Variants in CRTAP observed in about 807,000 individuals in gnomAD.
CRTAP encodes the protein cartilage associated protein, also known as cartilage-associated protein.
A neutral mutation model predicts 42.7 loss-of-function variants in CRTAP; 33 were observed. That is an observed-to-expected ratio of 0.77 (90% confidence interval 0.59 to 1.03). CRTAP has a LOEUF of 1.03. CRTAP is among the 50% of genes least tolerant of loss of function. The pLI, the probability that CRTAP is intolerant of heterozygous loss-of-function variation, is 0.00. For missense variants in CRTAP, 613 were observed against 533.9 expected (o/e 1.15, Z -1.46); for synonymous variants, 243 against 217.7 (o/e 1.12, Z -1.02).
At chr3:33,125,493 T>TTG (rs1427430143) in intron 3 of CRTAP, among the ~76,000 whole-genome samples, 1 of 138,304 alleles carries the variant, frequency 7.2e-6, no homozygotes, top group East Asian at 2.0e-4. Context: ...CAAAGTAGGT[T>TTG]TTTTTTTTTT....
At position 33,132,504 on chromosome 3, in the gene CRTAP, A is replaced by G. The variant is rs2030294826; in HGVS notation, c.923-51A>G. ...CTTTTTGTTTAGAAGCAGAGAAATT[A>G]TAGGGTGTGGTTTGCTGATTTCTTC... On this transcript the variant is annotated intron_variant, in intron 4 of 6. Transcript: ENST00000320954. The G allele has an allele frequency of 1.9e-6, 3 of 1,611,230 alleles. No individual in the cohort carries two copies. In the East Asian group the frequency reaches 6.7e-5, roughly 36 times the overall value.
chr3:33,139,695 C>T (rs2030520972), intron 6 of CRTAP, among the ~76,000 whole-genome samples: 1 of 152,130 alleles, frequency 6.6e-6, no homozygotes, highest in African/African-American at 2.4e-5. Flanking sequence ...CCAGTCTGGT[C>T]TCGAACTCCT....
chr3:33,124,458 A>T lies in CRTAP; in HGVS notation c.672A>T (p.Thr224=). 1 of 1,614,196 alleles carries T rather than the reference A, an allele frequency of 6.2e-7. No homozygotes were observed. The highest frequency in any genetic ancestry group is 8.5e-7 in the Non-Finnish European group (1 of 1,180,036). Reference sequence around the variant, plus strand: ...CATACAACGGTGAGAACTGGAGAACATCCATCACAGACATGGAGCTGGCCC... The same window carrying T: ...CATACAACGGTGAGAACTGGAGAACTTCCATCACAGACATGGAGCTGGCCC... The part of the protein sequence containing the change: ...VRAYNGENWR[T]SITDMELALP... The change falls in exon 3 of 7, where the codon ACA becomes ACT. Residue 224 remains threonine (T), a synonymous_variant. Coordinates refer to ENST00000320954, the MANE Select transcript of CRTAP (RefSeq NM_006371.5).
intron 4 of CRTAP, 102 bp downstream of exon 4, chr3:33,130,169 G>T: frequency 8.7e-7 from 1 of 1,151,930 alleles, no homozygotes; most frequent in Non-Finnish European, 1.3e-6. Flanking sequence ...AGTTCATCAA[G>T]GTCCACTGAC....
At chr3:33,118,556 G>T (rs1188334458) in intron 1 of CRTAP, among the ~76,000 whole-genome samples, 2 of 152,204 alleles carry the variant, frequency 1.3e-5, no homozygotes, top group African/African-American at 4.8e-5. Context: ...TCCAATTCTG[G>T]GGCAATTCGG....
Position 33,132,428 on chromosome 3 carries a change from G to T in CRTAP, c.923-127G>T, listed in dbSNP as rs999889043. The T allele has an allele frequency of 5.1e-6, 7 of 1,366,004 alleles. No homozygotes were observed. The African/African-American group carries it at 1.0e-4, about 19-fold the overall frequency. 84.6% of individuals were successfully genotyped at this position (1,366,004 alleles called of 1,614,324 possible). On this transcript the variant is annotated intron_variant, in intron 4 of 6. Transcript: ENST00000320954. Reference sequence around the variant, plus strand: ...CCTGCCCACCCAGGGCTGCCAGTCGGCCCCAGGCTCTCTGAAGAAGGACTG... The same window carrying T: ...CCTGCCCACCCAGGGCTGCCAGTCGTCCCCAGGCTCTCTGAAGAAGGACTG...
chr3:33,127,075 G>T (rs1377313604), intron 3 of CRTAP, among the ~76,000 whole-genome samples: 2 of 149,930 alleles, frequency 1.3e-5, no homozygotes, highest in Non-Finnish European at 3.0e-5. Flanking sequence ...TTCCTTGTGG[G>T]CAAATTATGA....
rs996158808 is a variant in CRTAP, at chr3:33,146,931, G to A, written c.*4483G>A. 1.3e-5 allele frequency: 2 copies of A among 152,564 alleles called. No homozygotes were observed. Among genetic ancestry groups the A allele is most frequent in the Non-Finnish European group, 2.9e-5 (2 of 68,032 alleles). 9.5% of individuals were successfully genotyped at this position (152,564 alleles called of 1,614,324 possible). On this transcript the variant is annotated 3_prime_UTR_variant, in exon 7 of 7. Coordinates refer to ENST00000320954, the MANE Select transcript of CRTAP (RefSeq NM_006371.5). ...TCAATACTTAAACTGTAGGGAAAAG[G>A]TGGATTGGTGCCAGAGAAAACATTA...
Position 33,132,521 on chromosome 3 carries a change from GATTTCTTCATTTGTC to G in CRTAP, c.923-33_923-19del, listed in dbSNP as rs2030295615. 6.2e-7 allele frequency: 1 copy of G among 1,613,178 alleles called. No individual in the cohort carries two copies. The highest frequency in any genetic ancestry group is 2.2e-5 in the East Asian group (1 of 44,840). On this transcript the variant is annotated intron_variant, in intron 4 of 6. Transcript: ENST00000320954. ...GAGAAATTATAGGGTGTGGTTTGCT[GATTTCTTCATTTGTC>G]TTTTCTTCCCAACCCTAGTGAACGA...
At chr3:33,123,371 G>A (rs2029952006) in intron 2 of CRTAP, among the ~76,000 whole-genome samples, 1 of 152,108 alleles carries the variant, frequency 6.6e-6, no homozygotes, top group African/African-American at 2.4e-5. Context: ...TAATGGTTTA[G>A]CACCATCCTC....
At chr3:33,137,489 C>G (rs1267451107) in intron 6 of CRTAP, among the ~76,000 whole-genome samples, 1 of 152,144 alleles carries the variant, frequency 6.6e-6, no homozygotes, top group Admixed American at 6.6e-5. Context: ...TCATGATTGG[C>G]CATTTGTATA....
At chr3:33,129,688 C>A (rs1284789684) in intron 3 of CRTAP, among the ~76,000 whole-genome samples, 2 of 151,842 alleles carry the variant, frequency 1.3e-5, no homozygotes, top group Non-Finnish European at 2.9e-5. Context: ...CAGGCGCCCA[C>A]CACGACGCCC....
intron 3 of CRTAP, among the ~76,000 whole-genome samples, chr3:33,129,728 G>A (rs1436229128): frequency 2.0e-5 from 3 of 151,870 alleles, no homozygotes; most frequent in Admixed American, 1.3e-4. Flanking sequence ...TAGTGAGACA[G>A]GGTTTCACTG....
chr3:33,129,837 T>C (rs2030197650), intron 3 of CRTAP, 102 bp from the exon 4 acceptor site: 2 of 1,249,810 alleles, frequency 1.6e-6, no homozygotes, highest in Middle Eastern at 1.9e-4. Flanking sequence ...GCGCCCGGCC[T>C]GTAAATATTT....
rs565379309 is a variant in CRTAP at position 33,127,770 on chromosome 3, T to C, written c.794-2169T>C. Among the ~76,000 whole-genome samples the C allele has an allele frequency of 6.6e-5, 9 of 136,988 alleles. No individual in the cohort carries two copies. In the East Asian group the frequency reaches 2.0e-3, roughly 31 times the overall value. The allele number at this position is 136,988 out of a possible 152,430, so 89.9% of individuals were successfully genotyped here. A position where few individuals can be genotyped will look rare whatever the true frequency, so the allele number is the denominator to read the frequency against. ...GCCTATTATATTTTATTTTTGAGAC[T>C]GAGTCTCACTCTGTCGCCCAGGCTG... On this transcript the variant is annotated intron_variant, in intron 3 of 6. Coordinates refer to ENST00000320954, the MANE Select transcript of CRTAP (RefSeq NM_006371.5).
In CRTAP at chr3:33,124,666, T is replaced by G. The variant is rs375023956; in HGVS notation, c.793+87T>G. ...TCTGCCTGCATGCCTGCTAGATGCC[T>G]GGAGCAGCCTCTGAGGAATTTTTGA... On this transcript the variant is annotated intron_variant, in intron 3 of 6. Coordinates refer to ENST00000320954, the MANE Select transcript of CRTAP (RefSeq NM_006371.5). 5 of 1,506,058 alleles carry G rather than the reference T, an allele frequency of 3.3e-6. No homozygotes were observed. The South Asian group carries it at 3.4e-5, about 10-fold the overall frequency. 93.3% of individuals were successfully genotyped at this position (1,506,058 alleles called of 1,614,324 possible). A position where few individuals can be genotyped will look rare whatever the true frequency, so the allele number is the denominator to read the frequency against.
chr3:33,127,896 G>A (rs1043381866), intron 3 of CRTAP, among the ~76,000 whole-genome samples: 3 of 151,884 alleles, frequency 2.0e-5, no homozygotes, highest in Non-Finnish European at 4.4e-5. Flanking sequence ...ACTGGCAGGC[G>A]CCACCACACC....
rs2030638450 is a variant in CRTAP at position 33,143,506 on chromosome 3, G to GTACCTACT, written c.*1059_*1066dup. ...CATTCTTTCAGTAAATATTTATTGA[G>GTACCTACT]TACCTACTGTGTGCTAGGCATTGAC... On this transcript the variant is annotated 3_prime_UTR_variant, in exon 7 of 7. Coordinates refer to ENST00000320954, the MANE Select transcript of CRTAP (RefSeq NM_006371.5). 1 of 150,902 alleles carries GTACCTACT rather than the reference G, an allele frequency of 6.6e-6. No homozygotes were observed. Among genetic ancestry groups the GTACCTACT allele is most frequent in the South Asian group, 2.1e-4 (1 of 4,746 alleles). The allele number at this position is 150,902 out of a possible 1,614,324, so 9.3% of individuals were successfully genotyped here.
intron 4 of CRTAP, among the ~76,000 whole-genome samples, chr3:33,131,602 C>G (rs1030676737): frequency 1.4e-4 from 22 of 152,118 alleles, no homozygotes; most frequent in African/African-American, 5.3e-4. Context: ...AGGAAATCTG[C>G]TTTCGGGGAT....
Sources: gnomAD v4.1 joint callset for allele counts (sites outside exome capture counted in the v4.1 genomes callset) on GRCh38, gnomAD v4.1.1 for gene constraint, MANE v1.5 for transcripts, NCBI Gene and HGNC (gene_info 2026-07-23, HGNC 2026-07-21) for gene names.